Variants in RBM19 observed in about 807,000 individuals in gnomAD.
RBM19 encodes RNA binding motif protein 19.
RBM19 carries 94 observed loss-of-function variants against 116.8 expected under a neutral mutation model. The observed-to-expected ratio is 0.80, with a 90% confidence interval of 0.68 to 0.95. The LOEUF (loss-of-function observed/expected upper bound fraction) is 0.95. Among genes scored for constraint, RBM19 ranks in the 40% least tolerant of loss-of-function variants. The pLI, the probability that RBM19 is intolerant of heterozygous loss-of-function variation, is 0.00. For missense variants in RBM19, 1,161 were observed against 1,220.7 expected (o/e 0.95, Z 0.73); for synonymous variants, 475 against 494.1 (o/e 0.96, Z 0.51).
At chr12:113,894,545 G>C (rs1308693227) in intron 21 of RBM19, among the ~76,000 whole-genome samples, 1 of 152,180 alleles carries the variant, frequency 6.6e-6, no homozygotes, top group Non-Finnish European at 1.5e-5. Context: ...AGGGAGCTCT[G>C]ATTGAAGTTT....
chr12:113,879,808 C>A (rs576524245), intron 21 of RBM19, among the ~76,000 whole-genome samples: 19 of 152,200 alleles, frequency 1.2e-4, no homozygotes, highest in Admixed American at 9.2e-4. Context: ...TAGCACCCTC[C>A]TCCACCCCAG....
intron 21 of RBM19, among the ~76,000 whole-genome samples, chr12:113,868,007 T>C (rs1878955318): frequency 6.6e-6 from 1 of 152,244 alleles, no homozygotes; most frequent in African/African-American, 2.4e-5. Context: ...CTAGTATTTT[T>C]TCTCCTGTTC....
At chr12:113,869,902 T>G (rs1310231354) in intron 21 of RBM19, among the ~76,000 whole-genome samples, 1 of 152,220 alleles carries the variant, frequency 6.6e-6, no homozygotes, top group Non-Finnish European at 1.5e-5. Context: ...TGTGCCTAAC[T>G]TGACACCCTT....
intron 13 of RBM19, 57 bp from the exon 14 acceptor site, chr12:113,942,491 C>T: frequency 1.4e-6 from 2 of 1,407,318 alleles, no homozygotes; most frequent in Non-Finnish European, 1.9e-6. Context: ...ACTTGCTGGC[C>T]CTCCCATCTC....
intron 18 of RBM19, among the ~76,000 whole-genome samples, chr12:113,924,122 G>C (rs145559868): frequency 6.6e-6 from 1 of 152,218 alleles, no homozygotes; most frequent in African/African-American, 2.4e-5. Context: ...GAGGCCAGGA[G>C]ACTCAGAATA....
chr12:113,857,762 C>A (rs1305141977), intron 22 of RBM19, among the ~76,000 whole-genome samples: 1 of 152,236 alleles, frequency 6.6e-6, no homozygotes, highest in African/African-American at 2.4e-5. Flanking sequence ...CCAGGGCCCA[C>A]AAAGGCCACA....
intron 21 of RBM19, among the ~76,000 whole-genome samples, chr12:113,902,120 T>G (rs1212783983): frequency 6.6e-6 from 1 of 152,182 alleles, no homozygotes; most frequent in Non-Finnish European, 1.5e-5. Flanking sequence ...TATTCAGATT[T>G]CACTAGTTTT....
At position 113,950,170 on chromosome 12, in the gene RBM19, G is replaced by C. The variant is rs759649432; in HGVS notation, c.1001-16C>G. 8 of 1,589,758 alleles carry C rather than the reference G, an allele frequency of 5.0e-6. No individual in the cohort carries two copies. In the Admixed American group the frequency reaches 1.3e-4, roughly 27 times the overall value. On this transcript the variant is annotated splice_polypyrimidine_tract_variant and intron_variant, in intron 8 of 23. Coordinates refer to ENST00000261741, the MANE Select transcript of RBM19 (RefSeq NM_016196.4). ...AAGATGTATCCTGACAGAGGACAAT[G>C]ACAGAGGTAAAATCTGCAGGCCTTG...
At position 113,945,821 on chromosome 12, in the gene RBM19, TACTC is replaced by T; in HGVS notation, c.1626+3_1626+6del. On this transcript the variant is annotated splice_donor_5th_base_variant and intron_variant, in intron 13 of 23. Coordinates refer to ENST00000261741, the MANE Select transcript of RBM19 (RefSeq NM_016196.4). ...ATCCCAGAGAGGACTGGTCGGCCCT[TACTC>T]ACGTGGTCAAACACTTGACTCTTGG... 3 of 1,538,126 alleles carry T rather than the reference TACTC, an allele frequency of 2.0e-6. No homozygotes were observed. The highest frequency in any genetic ancestry group is 1.7e-5 in the Admixed American group (1 of 59,778).
chr12:113,960,474 C>G (rs115635032), intron 2 of RBM19, among the ~76,000 whole-genome samples: 1 of 152,148 alleles, frequency 6.6e-6, no homozygotes, highest in African/African-American at 2.4e-5. Context: ...ACTGATACAC[C>G]GAGCCTCTCA....
chr12:113,948,543 A>C (rs764155439), intron 10 of RBM19, among the ~76,000 whole-genome samples: 3 of 152,250 alleles, frequency 2.0e-5, no homozygotes, highest in Non-Finnish European at 2.9e-5. Flanking sequence ...CAAAAAAGTC[A>C]TCCGAATTGC....
At position 113,962,431 on chromosome 12, in the gene RBM19, G is replaced by C. The variant is rs1434051314; in HGVS notation, c.37-17C>G. 4 of 1,607,850 alleles carry C rather than the reference G, an allele frequency of 2.5e-6. No homozygotes were observed. The highest frequency in any genetic ancestry group is 2.2e-5 in the East Asian group (1 of 44,854). On this transcript the variant is annotated splice_polypyrimidine_tract_variant and intron_variant, in intron 1 of 23. Transcript: ENST00000261741. ...CTCCTTCATCTAGGACAGAGGGAAA[G>C]GAATGAGAGACGAACTGGAAAGTCC...
In RBM19 at chr12:113,946,447, G is replaced by A. The variant is rs756038692; in HGVS notation, c.1436C>T (p.Thr479Ile). 2 of 1,614,134 alleles carry A rather than the reference G, an allele frequency of 1.2e-6. No individual in the cohort carries two copies. The highest frequency in any genetic ancestry group is 1.7e-6 in the Non-Finnish European group (2 of 1,180,018). The change falls in exon 12 of 24, where the codon ACC becomes ATC. Residue 479 changes from threonine (T) to isoleucine (I), a missense_variant. Thr to Ile is a moderately conservative substitution (Grantham distance 89). Coordinates refer to ENST00000261741, the MANE Select transcript of RBM19 (RefSeq NM_016196.4). ...QGRMLHVLPSTIKKEASEDAS... is the reference protein window; with the variant it reads ...QGRMLHVLPSIIKKEASEDAS... The stretch of plus-strand genomic sequence containing the variant: ...ATCCTCGCTGGCTTCCTTCTTGATG[G>A]TAGATGGTAACACGTGGAGCATCCT...
At chr12:113,861,346 G>A (rs11066793) in intron 21 of RBM19, among the ~76,000 whole-genome samples, 16,782 of 152,200 alleles carry the variant, frequency 0.11, 1,213 homozygotes, top group East Asian at 0.23. Context: ...CAAGGTGGGG[G>A]TAGACCGAGT....
At chr12:113,958,177 G>A (rs1448845041) in intron 5 of RBM19, 127 bp from the exon 6 acceptor site, 1 of 1,485,392 alleles carries the variant, frequency 6.7e-7, no homozygotes, top group East Asian at 2.3e-5. Flanking sequence ...CATGGCCCCT[G>A]TGCCCAGCAT....
intron 14 of RBM19, 26 bp downstream of exon 14, chr12:113,942,298 T>G (rs1275426574): frequency 1.3e-6 from 2 of 1,577,122 alleles, no homozygotes; most frequent in South Asian, 2.2e-5. Context: ...GGCTGCTGGC[T>G]GGCTGGCGCC....
At position 113,950,117 on chromosome 12, in the gene RBM19, C is replaced by T. The variant is rs745486513; in HGVS notation, c.1038G>A (p.Val346=). ...IFVDFSNEEE[V]KQALKCNREY... ...CCCGGTTGCATTTCAGAGCTTGCTT[C>T]ACTTCCTCTTCATTGCTGAAATCCA... The change falls in exon 9 of 24, where the codon GTG becomes GTA. Residue 346 remains valine, a synonymous_variant. Coordinates refer to ENST00000261741, the MANE Select transcript of RBM19 (RefSeq NM_016196.4). 1.9e-6 allele frequency: 3 copies of T among 1,612,066 alleles called. No homozygotes were observed. Among genetic ancestry groups the T allele is most frequent in the Non-Finnish European group, 2.5e-6 (3 of 1,178,214 alleles).
chr12:113,947,564 G>A, intron 10 of RBM19, 100 bp from the exon 11 acceptor site: 2 of 1,328,944 alleles, frequency 1.5e-6, no homozygotes, highest in Non-Finnish European at 2.0e-6. Context: ...CACAGGTCAT[G>A]GGTGTCATTT....
At chr12:113,952,281 A>T (rs1871535401) in intron 8 of RBM19, among the ~76,000 whole-genome samples, 1 of 152,184 alleles carries the variant, frequency 6.6e-6, no homozygotes, top group South Asian at 2.1e-4. Context: ...AAGATGAGGA[A>T]GGGAAGGATG....
Sources: allele counts gnomAD v4.1 joint callset (sites outside exome capture counted in the v4.1 genomes callset), GRCh38; gene constraint gnomAD v4.1.1; transcripts MANE v1.5; gene names NCBI Gene and HGNC (gene_info 2026-07-23, HGNC 2026-07-21).